The following MAP3K5 variants were observed in gnomAD, a reference collection of about 807,000 sequenced individuals.
The protein encoded by MAP3K5 is mitogen-activated protein kinase kinase kinase 5.
Under a neutral mutation model 158.7 loss-of-function variants are expected in MAP3K5, and 56 were observed. That is an observed-to-expected ratio of 0.35 (90% CI 0.28 to 0.44). MAP3K5 has a LOEUF of 0.44. Among genes scored for constraint, MAP3K5 ranks in the 20% least tolerant of loss-of-function variants. The pLI is 1.00. For synonymous variants in MAP3K5, 579 were observed against 601.7 expected (o/e 0.96, Z 0.55); for missense variants, 1,294 against 1,674.8 (o/e 0.77, Z 3.97).
intron 1 of MAP3K5, among the ~76,000 whole-genome samples, chr6:136,746,630 T>C (rs747851540): frequency 7.9e-5 from 12 of 152,206 alleles, no homozygotes; most frequent in Admixed American, 1.3e-4. Context: ...ACAAAATCTA[T>C]GTATAATCAT....
At chr6:136,600,008 G>A (rs559750555) in intron 21 of MAP3K5, among the ~76,000 whole-genome samples, 17 of 152,202 alleles carry the variant, frequency 1.1e-4, no homozygotes, top group Non-Finnish European at 2.4e-4. Flanking sequence ...TAGAGAGGCT[G>A]TACCCAGGAA....
intron 14 of MAP3K5, among the ~76,000 whole-genome samples, chr6:136,632,190 G>T (rs889765576): frequency 6.6e-6 from 1 of 152,152 alleles, no homozygotes; most frequent in Admixed American, 6.5e-5. Context: ...GCCAGAGGGG[G>T]TGAGAATGTT....
At chr6:136,724,691 T>C (rs900814224) in intron 1 of MAP3K5, among the ~76,000 whole-genome samples, 1 of 152,224 alleles carries the variant, frequency 6.6e-6, no homozygotes, top group African/African-American at 2.4e-5. Flanking sequence ...AGTAATACAG[T>C]ATGGTAACTC....
At chr6:136,754,881 T>C (rs1783403877) in intron 1 of MAP3K5, among the ~76,000 whole-genome samples, 1 of 152,044 alleles carries the variant, frequency 6.6e-6, no homozygotes, top group South Asian at 2.1e-4. Flanking sequence ...ACTGACAAGA[T>C]CTCGATGCTT....
intron 12 of MAP3K5, among the ~76,000 whole-genome samples, chr6:136,641,695 G>A (rs6912397): frequency 0.7 from 105,637 of 150,182 alleles, 38,574 homozygotes; most frequent in African/African-American, 0.91. Flanking sequence ...AGTCATTAGT[G>A]TTAGTGACAG....
chr6:136,714,356 CAT>C (rs1385524656), intron 2 of MAP3K5, among the ~76,000 whole-genome samples: 2 of 152,036 alleles, frequency 1.3e-5, no homozygotes, highest in African/African-American at 2.4e-5. Flanking sequence ...AAACTATAAC[CAT>C]TTGCTTCAAA....
chr6:136,558,912 T>C, intron 28 of MAP3K5, 36 bp from the exon 29 acceptor site: 1 of 1,033,082 alleles, frequency 9.7e-7, no homozygotes, highest in Non-Finnish European at 1.5e-6. Context: ...AAAGATGTTT[T>C]ATATAACTTT....
Position 136,669,884 on chromosome 6 carries a change from G to GGTGTGTGT in MAP3K5, c.1254-497_1254-490dup, listed in dbSNP as rs60778677. On this transcript the variant is annotated intron_variant, in intron 7 of 29. Transcript: ENST00000359015. ...CGTCTACTTGGAAGCCATCATTCAGGGTGTGTGTGTGTGTGTGTGTGTGTG... is the reference window on the plus strand; with the variant it reads ...CGTCTACTTGGAAGCCATCATTCAGGGTGTGTGTGTGTGTGTGTGTGTGTGTGTGTGTG... 2.3e-3 allele frequency among the ~76,000 whole-genome samples: 329 copies of GGTGTGTGT among 144,492 alleles called. 2 individuals carry two copies. Among genetic ancestry groups the GGTGTGTGT allele is most frequent in the African/African-American group, 6.7e-3 (260 of 38,986 alleles). 94.8% of individuals were successfully genotyped at this position (144,492 alleles called of 152,430 possible). A position where few individuals can be genotyped will look rare whatever the true frequency, so the allele number is the denominator to read the frequency against.
intron 28 of MAP3K5, among the ~76,000 whole-genome samples, 192 bp from the exon 29 acceptor site, chr6:136,559,068 A>G (rs1830382268): frequency 6.6e-6 from 1 of 152,216 alleles, no homozygotes; most frequent in South Asian, 2.1e-4. Flanking sequence ...AAATGCATCC[A>G]GGCCGGGCGC....
At chr6:136,559,665 CTTAAT>C (rs1465584505) in intron 28 of MAP3K5, among the ~76,000 whole-genome samples, 1 of 152,126 alleles carries the variant, frequency 6.6e-6, no homozygotes, top group Non-Finnish European at 1.5e-5. Flanking sequence ...AAAGCAGAGT[CTTAAT>C]TTAAACTGCA....
At chr6:136,704,123 T>G (rs1420590817) in intron 3 of MAP3K5, among the ~76,000 whole-genome samples, 4 of 151,782 alleles carry the variant, frequency 2.6e-5, no homozygotes, top group Admixed American at 2.0e-4. Flanking sequence ...GTAGGAATTC[T>G]GTAGTGTGGT....
At chr6:136,571,825 G>A (rs1288766787) in intron 25 of MAP3K5, among the ~76,000 whole-genome samples, 2 of 152,130 alleles carry the variant, frequency 1.3e-5, no homozygotes, top group Non-Finnish European at 2.9e-5. Context: ...TTTCTGAGGA[G>A]CCATCATACT....
chr6:136,576,884 T>C, intron 25 of MAP3K5, among the ~76,000 whole-genome samples: 1 of 152,066 alleles, frequency 6.6e-6, no homozygotes, highest in East Asian at 1.9e-4. Context: ...TGTGTTAAAA[T>C]TGCCTACAAT....
intron 1 of MAP3K5, among the ~76,000 whole-genome samples, chr6:136,754,484 C>T (rs972717735): frequency 2.0e-5 from 3 of 151,346 alleles, no homozygotes; most frequent in African/African-American, 7.3e-5. Context: ...AAGGCTGAGG[C>T]GGGTGGAACA....
At chr6:136,586,581 A>G (rs1775150350) in intron 23 of MAP3K5, among the ~76,000 whole-genome samples, 1 of 152,242 alleles carries the variant, frequency 6.6e-6, no homozygotes, top group Admixed American at 6.5e-5. Flanking sequence ...CTGACTCAGC[A>G]TCAGCATAGA....
At chr6:136,689,528 C>A (rs950908036) in intron 7 of MAP3K5, among the ~76,000 whole-genome samples, 16 of 152,090 alleles carry the variant, frequency 1.1e-4, no homozygotes, top group African/African-American at 1.4e-4. Context: ...GCTTAATCCC[C>A]AATGCAATAG....
In MAP3K5 at chr6:136,557,720, T is replaced by G. The variant is rs1419787585; in HGVS notation, c.*38A>C. 8.6e-6 allele frequency: 13 copies of G among 1,506,498 alleles called. No individual in the cohort carries two copies. The highest frequency in any genetic ancestry group is 1.1e-5 in the South Asian group (1 of 88,896). 93.3% of individuals were successfully genotyped at this position (1,506,498 alleles called of 1,614,324 possible). A position where few individuals can be genotyped will look rare whatever the true frequency, so the allele number is the denominator to read the frequency against. On this transcript the variant is annotated 3_prime_UTR_variant, in exon 30 of 30. Coordinates refer to ENST00000359015, the MANE Select transcript of MAP3K5 (RefSeq NM_005923.4). ...CCCAAGAAGATCAGCTCTGTATTAA[T>G]TTTTAGAATTTCCATCGAAGATTAG... is the stretch of plus-strand genomic sequence containing the variant.
intron 23 of MAP3K5, among the ~76,000 whole-genome samples, chr6:136,591,661 T>C (rs566695518): frequency 2.2e-4 from 33 of 152,242 alleles, no homozygotes; most frequent in Non-Finnish European, 4.3e-4. Context: ...CAAGGACTTA[T>C]CAACTACATT....
chr6:136,730,154 T>TA (rs1782150734), intron 1 of MAP3K5, among the ~76,000 whole-genome samples: 1 of 19,552 alleles, frequency 5.1e-5, no homozygotes, highest in Non-Finnish European at 1.1e-4. Context: ...TGTTTGGTTG[T>TA]TTTTTTTTTT....
Sources: gnomAD v4.1 joint callset for allele counts (sites outside exome capture counted in the v4.1 genomes callset) on GRCh38, gnomAD v4.1.1 for gene constraint, MANE v1.5 for transcripts, NCBI Gene and HGNC (gene_info 2026-07-23, HGNC 2026-07-21) for gene names.